The following PCDH9 variants were observed in gnomAD, a reference collection of about 807,000 sequenced individuals.
PCDH9 encodes the protein protocadherin-9.
PCDH9 carries 24 observed loss-of-function variants against 70.6 expected under a neutral mutation model. The ratio of observed to expected loss-of-function variants is 0.34; its 90% CI spans 0.25 to 0.48. The LOEUF is 0.48. PCDH9 is among the 20% of genes least tolerant of loss of function. The probability of loss-of-function intolerance (pLI) is 0.99; values close to 1 mark genes in which losing one functional copy is unlikely to be tolerated. For missense variants in PCDH9, 1,281 were observed against 1,503.6 expected (o/e 0.85, Z 2.45); for synonymous variants, 562 against 558.5 (o/e 1.01, Z -0.09).
At chr13:66,896,855 C>A (rs1393059221) in intron 3 of PCDH9, among the ~76,000 whole-genome samples, 1 of 152,168 alleles carries the variant, frequency 6.6e-6, no homozygotes, top group Non-Finnish European at 1.5e-5. Flanking sequence ...GATGTCCTCT[C>A]CTGACACCTG....
chr13:66,695,552 A>G (rs1247877783), intron 3 of PCDH9, among the ~76,000 whole-genome samples: 1 of 152,226 alleles, frequency 6.6e-6, no homozygotes, highest in Non-Finnish European at 1.5e-5. Context: ...TGTCACATAT[A>G]TTATACCATA....
At chr13:67,205,391 T>C (rs1302428264) in intron 2 of PCDH9, 11 of 152,166 alleles carry the variant, frequency 7.2e-5, no homozygotes, top group Non-Finnish European at 2.9e-5. Flanking sequence ...TTACTATACT[T>C]ATCAGTAAGG....
At chr13:67,074,169 A>G (rs2085830680) in intron 2 of PCDH9, among the ~76,000 whole-genome samples, 1 of 151,888 alleles carries the variant, frequency 6.6e-6, no homozygotes, top group African/African-American at 2.4e-5. Context: ...TGTTCTCTCA[A>G]AATTCATATG....
intron 3 of PCDH9, among the ~76,000 whole-genome samples, chr13:66,793,111 TTA>T (rs141189103): frequency 2.7e-5 from 4 of 150,320 alleles, no homozygotes; most frequent in Admixed American, 6.7e-5. Flanking sequence ...TAATATATGC[TTA>T]TATATATATA....
chr13:66,534,634 A>T (rs1311614015), intron 4 of PCDH9, among the ~76,000 whole-genome samples: 1 of 152,130 alleles, frequency 6.6e-6, no homozygotes, highest in Non-Finnish European at 1.5e-5. Flanking sequence ...TTCACAGCAG[A>T]TGGCTTAATT....
intron 3 of PCDH9, among the ~76,000 whole-genome samples, chr13:66,755,764 ATGTC>A (rs1478392387): frequency 6.6e-6 from 1 of 152,140 alleles, no homozygotes; most frequent in Admixed American, 6.6e-5. Flanking sequence ...GATTTGAAAA[ATGTC>A]TGGGGAAACA....
intron 3 of PCDH9, among the ~76,000 whole-genome samples, chr13:66,766,012 TA>T (rs1301727220): frequency 6.6e-6 from 1 of 152,070 alleles, no homozygotes; most frequent in Non-Finnish European, 1.5e-5. Flanking sequence ...AGTTTTACAC[TA>T]GGGGGATCTC....
chr13:67,160,069 C>G (rs1458027607), intron 2 of PCDH9, among the ~76,000 whole-genome samples: 2 of 152,160 alleles, frequency 1.3e-5, no homozygotes, highest in African/African-American at 4.8e-5. Flanking sequence ...AGCATCTCTG[C>G]CATCTGGGAA....
At chr13:66,599,452 T>C (rs1391756570) in intron 4 of PCDH9, among the ~76,000 whole-genome samples, 3 of 151,902 alleles carry the variant, frequency 2.0e-5, no homozygotes, top group African/African-American at 7.2e-5. Flanking sequence ...AATGTTAATG[T>C]TTAGTTTATA....
intron 3 of PCDH9, among the ~76,000 whole-genome samples, chr13:66,752,833 A>G (rs958325552): frequency 2.6e-5 from 4 of 152,192 alleles, no homozygotes; most frequent in Non-Finnish European, 5.9e-5. Flanking sequence ...GAAAAGAGAA[A>G]TAGGGGTTAA....
At chr13:66,574,142 C>T (rs917151061) in intron 4 of PCDH9, among the ~76,000 whole-genome samples, 20 of 152,206 alleles carry the variant, frequency 1.3e-4, no homozygotes, top group African/African-American at 4.8e-4. Flanking sequence ...ACAAGAATGT[C>T]TCAACAACAC....
chr13:67,086,969 A>T (rs1332128451), intron 2 of PCDH9, among the ~76,000 whole-genome samples: 1 of 152,006 alleles, frequency 6.6e-6, no homozygotes, highest in South Asian at 2.1e-4. Context: ...GCAGAGAATA[A>T]AACTTTAATC....
intron 2 of PCDH9, among the ~76,000 whole-genome samples, chr13:66,948,644 G>T (rs1401483125): frequency 6.6e-6 from 1 of 151,880 alleles, no homozygotes; most frequent in East Asian, 1.9e-4. Context: ...ACAGGAAACA[G>T]GTAAATGCCT....
At chr13:67,152,186 A>G (rs1166722734) in intron 2 of PCDH9, among the ~76,000 whole-genome samples, 1 of 152,212 alleles carries the variant, frequency 6.6e-6, no homozygotes, top group Non-Finnish European at 1.5e-5. Flanking sequence ...ATACACCCAG[A>G]AGAAACCTGT....
At chr13:67,181,258 A>G (rs1052933629) in intron 2 of PCDH9, among the ~76,000 whole-genome samples, 1 of 152,194 alleles carries the variant, frequency 6.6e-6, no homozygotes, top group African/African-American at 2.4e-5. Flanking sequence ...ACTTGCATAT[A>G]GTGCAAATAA....
intron 3 of PCDH9, among the ~76,000 whole-genome samples, chr13:66,777,341 G>A (rs1337852834): frequency 6.7e-6 from 1 of 149,992 alleles, no homozygotes; most frequent in East Asian, 2.0e-4. Context: ...GAGTGAACAG[G>A]CAACCTACAA....
At chr13:66,765,788 GGAGAAAGAAA>G (rs2079706172) in intron 3 of PCDH9, among the ~76,000 whole-genome samples, 2 of 151,970 alleles carry the variant, frequency 1.3e-5, no homozygotes, top group Admixed American at 1.3e-4. Context: ...TTTAGCTGTG[GGAGAAAGAAA>G]GAGGTGGAGC....
At chr13:66,746,018 T>G (rs1413448911) in intron 3 of PCDH9, among the ~76,000 whole-genome samples, 3 of 152,214 alleles carry the variant, frequency 2.0e-5, no homozygotes, top group African/African-American at 7.2e-5. Context: ...GAAATACTAC[T>G]ACCAACATTC....
At chr13:66,836,263 C>A (rs997816402) in intron 3 of PCDH9, among the ~76,000 whole-genome samples, 2 of 152,036 alleles carry the variant, frequency 1.3e-5, no homozygotes, top group African/African-American at 4.8e-5. Flanking sequence ...GACATGAGAC[C>A]TCTCCCCAGT....
Sources: gnomAD v4.1 joint callset for allele counts (sites outside exome capture counted in the v4.1 genomes callset) on GRCh38, gnomAD v4.1.1 for gene constraint, MANE v1.5 for transcripts, NCBI Gene and HGNC (gene_info 2026-07-23, HGNC 2026-07-21) for gene names.